WWOX: variants seen among roughly 807,000 people sequenced by gnomAD.
The protein encoded by WWOX is WW domain-containing oxidoreductase.
WWOX carries 69 observed loss-of-function variants against 46.2 expected under a neutral mutation model. That is an observed-to-expected ratio of 1.49 (90% CI 1.23 to 1.82). The LOEUF is 1.82. Among genes scored for constraint, WWOX ranks in the 40% most tolerant of loss-of-function variants. The probability of loss-of-function intolerance (pLI) is 0.00; values close to 1 mark genes in which losing one functional copy is unlikely to be tolerated. For synonymous variants in WWOX, 359 were observed against 202.6 expected, an observed-to-expected ratio of 1.77 and a Z score of -6.56; for missense variants, 919 against 542.6, an observed-to-expected ratio of 1.69 and a Z score of -6.89.
At chr16:78,831,751 T>A (rs565599250) in intron 8 of WWOX, among the ~76,000 whole-genome samples, 1 of 152,270 alleles carries the variant, frequency 6.6e-6, no homozygotes, top group East Asian at 1.9e-4. Flanking sequence ...TAAATACTAG[T>A]GAAAATAATG....
chr16:78,999,071 A>C (rs1194317982), intron 8 of WWOX, among the ~76,000 whole-genome samples: 1 of 152,162 alleles, frequency 6.6e-6, no homozygotes, highest in East Asian at 1.9e-4. Context: ...CCGGACGTGG[A>C]AATCAAAAGT....
At chr16:78,278,270 T>A (rs1348004928) in intron 5 of WWOX, among the ~76,000 whole-genome samples, 1 of 152,184 alleles carries the variant, frequency 6.6e-6, no homozygotes, top group Non-Finnish European at 1.5e-5. Flanking sequence ...AATTACAGCT[T>A]TTCTCTTGCC....
intron 8 of WWOX, among the ~76,000 whole-genome samples, chr16:78,845,100 C>G (rs1362497456): frequency 2.0e-5 from 3 of 150,160 alleles, no homozygotes; most frequent in African/African-American, 4.9e-5. Flanking sequence ...TATTTAATAG[C>G]CCTGCATTCA....
At chr16:78,702,807 T>C (rs917040413) in intron 8 of WWOX, among the ~76,000 whole-genome samples, 3 of 152,188 alleles carry the variant, frequency 2.0e-5, no homozygotes, top group Non-Finnish European at 4.4e-5. Context: ...AAGCTCTGTG[T>C]GCTGCGGGTC....
At chr16:78,331,082 A>G (rs1228105454) in intron 5 of WWOX, among the ~76,000 whole-genome samples, 1 of 152,168 alleles carries the variant, frequency 6.6e-6, no homozygotes, top group East Asian at 1.9e-4. Context: ...AAAAGATTAA[A>G]ATATAGATTT....
chr16:78,946,512 G>A lies in WWOX; in HGVS notation c.1057-265096G>A, dbSNP rs566330911. 8.5e-5 allele frequency among the ~76,000 whole-genome samples: 13 copies of A among 152,134 alleles called. No individual in the cohort carries two copies. In the South Asian group the frequency reaches 2.7e-3, roughly 32 times the overall value. On this transcript the variant is annotated intron_variant, in intron 8 of 8. Transcript: ENST00000566780. ...GGCCTCTTTCTGTTTCAAAGAAATA[G>A]TCAAGAAGTTTCTAGATGCACACAA...
intron 8 of WWOX, among the ~76,000 whole-genome samples, chr16:78,866,704 C>T (rs537871101): frequency 2.6e-5 from 4 of 152,278 alleles, no homozygotes; most frequent in East Asian, 1.9e-4. Flanking sequence ...TGGCAGAGCA[C>T]GCAAATCAAG....
At chr16:78,427,478 C>G (rs1478963263) in intron 7 of WWOX, among the ~76,000 whole-genome samples, 2 of 152,266 alleles carry the variant, frequency 1.3e-5, no homozygotes, top group East Asian at 3.9e-4. Flanking sequence ...ATGGCTGCAG[C>G]TGCATGGAGT....
At chr16:78,560,530 G>A (rs767514011) in intron 8 of WWOX, among the ~76,000 whole-genome samples, 2 of 152,154 alleles carry the variant, frequency 1.3e-5, no homozygotes, top group Non-Finnish European at 2.9e-5. Flanking sequence ...TGTAATCCCA[G>A]CTACTTGGGA....
chr16:78,939,863 C>A (rs537053540), intron 8 of WWOX, among the ~76,000 whole-genome samples: 15 of 152,160 alleles, frequency 9.9e-5, no homozygotes, highest in Admixed American at 7.2e-4. Flanking sequence ...TTGGCATAGA[C>A]GTGTGGACGT....
intron 8 of WWOX, among the ~76,000 whole-genome samples, chr16:78,804,868 A>G (rs2050988521): frequency 6.6e-6 from 1 of 152,254 alleles, no homozygotes; most frequent in Admixed American, 6.5e-5. Context: ...TAGCCATGAC[A>G]GTATTACGGG....
chr16:78,913,764 C>T (rs1446603126), intron 8 of WWOX, among the ~76,000 whole-genome samples: 1 of 151,722 alleles, frequency 6.6e-6, no homozygotes, highest in African/African-American at 2.4e-5. Context: ...TAGGCTGAAG[C>T]CATCCTCCCA....
intron 8 of WWOX, among the ~76,000 whole-genome samples, chr16:79,126,985 G>A (rs2049771388): frequency 1.3e-5 from 2 of 151,984 alleles, no homozygotes; most frequent in Admixed American, 6.6e-5. Flanking sequence ...CCTGGCTTAT[G>A]TGGCCACTGC....
chr16:78,718,487 A>G (rs951267734), intron 8 of WWOX, among the ~76,000 whole-genome samples: 1 of 152,204 alleles, frequency 6.6e-6, no homozygotes, highest in Admixed American at 6.5e-5. Context: ...ATATTTGAGT[A>G]GAACACATGA....
chr16:78,464,730 A>G (rs1567588843), intron 8 of WWOX, among the ~76,000 whole-genome samples: 1 of 152,208 alleles, frequency 6.6e-6, no homozygotes, highest in East Asian at 1.9e-4. Context: ...CATTGTTCAT[A>G]TTCATAAAGG....
intron 8 of WWOX, among the ~76,000 whole-genome samples, chr16:79,065,458 T>C (rs769515153): frequency 1.3e-5 from 2 of 152,198 alleles, no homozygotes; most frequent in Non-Finnish European, 2.9e-5. Flanking sequence ...ATGGTCCTCG[T>C]GCACTGGGTC....
Position 78,432,816 on chromosome 16 carries a change from C to G in WWOX, c.1056+64C>G, listed in dbSNP as rs60494970. On this transcript the variant is annotated intron_variant, in intron 8 of 8. Coordinates refer to ENST00000566780, the MANE Select transcript of WWOX (RefSeq NM_016373.4). ...CCTAGAGAAACCTGCACACTTGTGTCTCCACCTTTTTACCTCTTGCGGGCA... is the reference window on the plus strand; with the variant it reads ...CCTAGAGAAACCTGCACACTTGTGTGTCCACCTTTTTACCTCTTGCGGGCA... The G allele has an allele frequency of 2.2e-3, 3,558 of 1,611,564 alleles. 56 individuals carry two copies. The African/African-American group carries it at 0.041, about 18-fold the overall frequency.
intron 8 of WWOX, among the ~76,000 whole-genome samples, chr16:78,996,826 C>T (rs528462313): frequency 2.6e-5 from 4 of 152,278 alleles, no homozygotes; most frequent in South Asian, 4.2e-4. Context: ...ATAGAGCCAT[C>T]GCTTGCAGAA....
In WWOX at chr16:78,381,198, C is replaced by T. The variant is rs145134604; in HGVS notation, c.517-5662C>T. ...TGGTTTCTTTGGTTTCAGGCAGTAT[C>T]GCATCAGAGTCACATATGGCTAATT... On this transcript the variant is annotated intron_variant, in intron 5 of 8. Coordinates refer to ENST00000566780, the MANE Select transcript of WWOX (RefSeq NM_016373.4). 5.4e-3 allele frequency among the ~76,000 whole-genome samples: 829 copies of T among 152,266 alleles called. 1 individual carries two copies. The highest frequency in any genetic ancestry group is 0.013 in the African/African-American group (523 of 41,546).
Sources: allele counts gnomAD v4.1 joint callset (sites outside exome capture counted in the v4.1 genomes callset), GRCh38; gene constraint gnomAD v4.1.1; transcripts MANE v1.5; gene names NCBI Gene and HGNC (gene_info 2026-07-23, HGNC 2026-07-21).